Variants in HHAT observed in about 807,000 individuals in gnomAD.
The protein encoded by HHAT is protein-cysteine N-palmitoyltransferase HHAT.
A neutral mutation model predicts 70.8 loss-of-function variants in HHAT; 47 were observed. That is an observed-to-expected ratio of 0.66 (90% CI 0.53 to 0.85). The LOEUF (loss-of-function observed/expected upper bound fraction) is 0.85. HHAT is among the 40% of genes least tolerant of loss of function. The probability of loss-of-function intolerance (pLI) is 0.00; values close to 1 mark genes in which losing one functional copy is unlikely to be tolerated. For missense variants in HHAT, 609 were observed against 604.8 expected (o/e 1.01, Z -0.07); for synonymous variants, 228 against 247.6 (o/e 0.92, Z 0.74).
rs1558310419 is a variant in HHAT, at chr1:210,340,251, A to AGG, written c.-43-8682_-43-8681insGG. Among the ~76,000 whole-genome samples, 943 of 147,962 alleles carry AGG rather than the reference A, an allele frequency of 6.4e-3. 20 individuals carry two copies. The highest frequency in any genetic ancestry group is 0.022 in the African/African-American group (886 of 40,394). On this transcript the variant is annotated intron_variant, in intron 1 of 11. Transcript: ENST00000261458. ...GCAAGACTCTGTCTCAGAAAAAAAA[A>AGG]AAAAAAAAAAAAAAAAAGACTCAAG...
intron 1 of HHAT, among the ~76,000 whole-genome samples, chr1:210,331,474 T>C (rs1483746319): frequency 1.3e-5 from 2 of 152,224 alleles, no homozygotes; most frequent in Admixed American, 1.3e-4. Flanking sequence ...TAAACATACT[T>C]CTAGGGCCCG....
At chr1:210,599,784 T>C (rs1292439994) in intron 10 of HHAT, among the ~76,000 whole-genome samples, 1 of 152,190 alleles carries the variant, frequency 6.6e-6, no homozygotes, top group Admixed American at 6.5e-5. Context: ...CATAAAAACC[T>C]AACCATGTTG....
intron 11 of HHAT, among the ~76,000 whole-genome samples, chr1:210,645,906 T>C (rs551763287): frequency 2.0e-5 from 3 of 152,238 alleles, no homozygotes; most frequent in African/African-American, 2.4e-5. Flanking sequence ...CAGGGCCCCC[T>C]TTTTTTGATC....
intron 11 of HHAT, among the ~76,000 whole-genome samples, chr1:210,627,180 C>T (rs1171867130): frequency 1.3e-5 from 2 of 152,124 alleles, no homozygotes; most frequent in East Asian, 3.9e-4. Flanking sequence ...CCTCAGAGTC[C>T]TGGAAGAGCA....
chr1:210,465,290 A>G (rs1039184947), intron 8 of HHAT, among the ~76,000 whole-genome samples: 1 of 152,064 alleles, frequency 6.6e-6, no homozygotes, highest in Non-Finnish European at 1.5e-5. Context: ...ATTTTGACCC[A>G]TAGTCTTATG....
chr1:210,348,186 C>T (rs190589200), intron 1 of HHAT, among the ~76,000 whole-genome samples: 275 of 152,234 alleles, frequency 1.8e-3, no homozygotes, highest in Middle Eastern at 3.4e-3. Context: ...TCAAGATCAG[C>T]CTGGGAAACA....
chr1:210,456,986 T>G (rs186767029), intron 7 of HHAT, among the ~76,000 whole-genome samples: 41 of 152,310 alleles, frequency 2.7e-4, no homozygotes, highest in African/African-American at 9.4e-4. Context: ...TCCCTTCCCC[T>G]ACCAGTCACA....
At chr1:210,354,552 A>G (rs1440509746) in intron 2 of HHAT, among the ~76,000 whole-genome samples, 1 of 152,016 alleles carries the variant, frequency 6.6e-6, no homozygotes, top group Non-Finnish European at 1.5e-5. Context: ...AAGAGAGACA[A>G]GCTCTCTCTA....
chr1:210,565,252 A>C (rs983106648), intron 9 of HHAT, among the ~76,000 whole-genome samples: 8 of 152,172 alleles, frequency 5.3e-5, no homozygotes, highest in African/African-American at 1.7e-4. Context: ...TGCTCATATG[A>C]TGGTCTTCAC....
At chr1:210,459,371 G>A (rs1439392114) in intron 7 of HHAT, among the ~76,000 whole-genome samples, 1 of 152,148 alleles carries the variant, frequency 6.6e-6, no homozygotes, top group South Asian at 2.1e-4. Context: ...TACTTCTTAA[G>A]GAAATGCTTA....
chr1:210,335,327 A>G (rs902633454), intron 1 of HHAT, among the ~76,000 whole-genome samples: 4 of 151,824 alleles, frequency 2.6e-5, no homozygotes, highest in African/African-American at 9.7e-5. Flanking sequence ...TGAAAAAAAA[A>G]AAAGCCTCTT....
chr1:210,406,559 A>AT, intron 6 of HHAT, among the ~76,000 whole-genome samples: 1 of 151,936 alleles, frequency 6.6e-6, no homozygotes. Flanking sequence ...AGTCCAGCTA[A>AT]TTTTTTGTAT....
intron 10 of HHAT, among the ~76,000 whole-genome samples, chr1:210,607,656 C>A (rs976994689): frequency 1.3e-5 from 2 of 152,094 alleles, no homozygotes; most frequent in Non-Finnish European, 2.9e-5. Flanking sequence ...CACCCATGTG[C>A]CTTGACTCTT....
At chr1:210,577,113 T>G (rs965834504) in intron 9 of HHAT, among the ~76,000 whole-genome samples, 1 of 151,946 alleles carries the variant, frequency 6.6e-6, no homozygotes, top group Non-Finnish European at 1.5e-5. Context: ...ACGTATAAGA[T>G]CATGTCATCT....
chr1:210,483,614 C>CTAAA (rs3036650), intron 8 of HHAT, among the ~76,000 whole-genome samples: 107,157 of 151,584 alleles, frequency 0.71, 38,376 homozygotes, highest in East Asian at 0.96. Flanking sequence ...TAGCTATCAT[C>CTAAA]TAAATAAAGC....
chr1:210,335,895 G>T (rs985223047), intron 1 of HHAT, among the ~76,000 whole-genome samples: 2 of 149,330 alleles, frequency 1.3e-5, no homozygotes, highest in African/African-American at 5.0e-5. Context: ...GCACTAATTG[G>T]TACAGTGATA....
intron 3 of HHAT, among the ~76,000 whole-genome samples, chr1:210,364,643 C>T (rs1053740585): frequency 3.3e-5 from 5 of 152,210 alleles, no homozygotes; most frequent in African/African-American, 4.8e-5. Flanking sequence ...CCCAGCCATG[C>T]GTTGCTACTT....
intron 11 of HHAT, among the ~76,000 whole-genome samples, chr1:210,638,305 G>GAT (rs1262275740): frequency 1.4e-4 from 21 of 152,292 alleles, no homozygotes; most frequent in African/African-American, 5.1e-4. Flanking sequence ...TCTGTCAAAT[G>GAT]ATATGTGGCA....
intron 11 of HHAT, among the ~76,000 whole-genome samples, chr1:210,665,954 T>G (rs960765074): frequency 3.6e-4 from 55 of 152,246 alleles, no homozygotes; most frequent in African/African-American, 1.2e-3. Flanking sequence ...TATTCTTTGT[T>G]GTAAATGGTG....
Sources: allele counts gnomAD v4.1 joint callset (sites outside exome capture counted in the v4.1 genomes callset), GRCh38; gene constraint gnomAD v4.1.1; transcripts MANE v1.5; gene names NCBI Gene and HGNC (gene_info 2026-07-23, HGNC 2026-07-21).